CNTNAP2: variants seen among roughly 807,000 people sequenced by gnomAD.
The protein encoded by CNTNAP2 is contactin-associated protein-like 2.
A neutral mutation model predicts 155.2 loss-of-function variants in CNTNAP2; 98 were observed. The observed-to-expected ratio is 0.63, with a 90% CI of 0.54 to 0.75. The LOEUF is 0.75. CNTNAP2 is among the 30% of genes least tolerant of loss of function. The probability of loss-of-function intolerance (pLI) is 0.00; values close to 1 mark genes in which losing one functional copy is unlikely to be tolerated. For missense variants in CNTNAP2, 1,727 were observed against 1,688.1 expected, an observed-to-expected ratio of 1.02 and a Z score of -0.40; for synonymous variants, 651 against 631.2, an observed-to-expected ratio of 1.03 and a Z score of -0.47.
intron 1 of CNTNAP2, among the ~76,000 whole-genome samples, chr7:146,682,190 A>G (rs1800516698): frequency 6.6e-6 from 1 of 152,132 alleles, no homozygotes; most frequent in African/African-American, 2.4e-5. Context: ...AGAGTGACCT[A>G]GTTTCCTCAC....
At chr7:146,946,123 T>TTTCC (rs1287913925) in intron 3 of CNTNAP2, among the ~76,000 whole-genome samples, 96 of 151,086 alleles carry the variant, frequency 6.4e-4, no homozygotes, top group African/African-American at 2.1e-3. Context: ...TCCTTCCTTC[T>TTTCC]TTCCTTCCTT....
At chr7:146,491,167 G>A (rs1214682248) in intron 1 of CNTNAP2, among the ~76,000 whole-genome samples, 1 of 152,048 alleles carries the variant, frequency 6.6e-6, no homozygotes, top group Non-Finnish European at 1.5e-5. Context: ...TGAAAATAAA[G>A]TTTCCATGTA....
chr7:147,651,871 G>T (rs1795454993), intron 13 of CNTNAP2, among the ~76,000 whole-genome samples: 19 of 152,138 alleles, frequency 1.2e-4, no homozygotes, highest in Admixed American at 1.2e-3. Flanking sequence ...CCTCCATTGA[G>T]CCAAATACAA....
intron 3 of CNTNAP2, among the ~76,000 whole-genome samples, chr7:146,910,541 A>G (rs1403727862): frequency 6.6e-6 from 1 of 151,384 alleles, no homozygotes; most frequent in East Asian, 1.9e-4. Flanking sequence ...CCTGAGAAAA[A>G]CAAGCATTGG....
chr7:146,561,013 C>G (rs1798271420), intron 1 of CNTNAP2, among the ~76,000 whole-genome samples: 1 of 152,140 alleles, frequency 6.6e-6, no homozygotes, highest in Non-Finnish European at 1.5e-5. Flanking sequence ...GCTCACAACT[C>G]TAGTGTCAAT....
intron 18 of CNTNAP2, among the ~76,000 whole-genome samples, chr7:148,212,703 G>C (rs1269135978): frequency 1.3e-5 from 2 of 152,122 alleles, no homozygotes; most frequent in African/African-American, 4.8e-5. Flanking sequence ...AGAGATGAGA[G>C]AATTGCTTTC....
intron 3 of CNTNAP2, among the ~76,000 whole-genome samples, chr7:146,967,607 G>C (rs1178567199): frequency 6.6e-6 from 1 of 152,136 alleles, no homozygotes; most frequent in African/African-American, 2.4e-5. Context: ...TTGGCTCTCT[G>C]TTTGTCTGCT....
intron 1 of CNTNAP2, among the ~76,000 whole-genome samples, chr7:146,631,525 T>C (rs1309802756): frequency 6.6e-6 from 1 of 152,156 alleles, no homozygotes; most frequent in African/African-American, 2.4e-5. Flanking sequence ...CTTCTGAGTA[T>C]TTGATGAATA....
intron 1 of CNTNAP2, among the ~76,000 whole-genome samples, chr7:146,256,853 C>G (rs1799846983): frequency 6.6e-6 from 1 of 152,098 alleles, no homozygotes; most frequent in African/African-American, 2.4e-5. Flanking sequence ...AAACAGTAAG[C>G]TAAAACTTGG....
In CNTNAP2 at chr7:148,324,580, T is replaced by G. The variant is rs527312444; in HGVS notation, c.3475+57454T>G. 1.2e-4 allele frequency among the ~76,000 whole-genome samples: 18 copies of G among 152,088 alleles called. 1 individual carries two copies. The South Asian group carries it at 3.5e-3, about 30-fold the overall frequency. On this transcript the variant is annotated intron_variant, in intron 21 of 23. Transcript: ENST00000361727. ...TAGGAGGCCAAGGCGGTTGGGTCAT[T>G]TGAGGTCAGGAGTTCGAGACCAGCC...
At chr7:148,122,867 A>AAAAAAAAAAAAAAAAAAAAAAAG (rs543029148) in intron 16 of CNTNAP2, among the ~76,000 whole-genome samples, 1 of 150,724 alleles carries the variant, frequency 6.6e-6, no homozygotes, top group African/African-American at 2.5e-5. Flanking sequence ...AAAAAAAAAG[A>AAAAAAAAAAAAAAAAAAAAAAAG]AAAAAAAAGA....
chr7:147,880,306 G>A (rs1799496867), intron 13 of CNTNAP2, among the ~76,000 whole-genome samples: 1 of 152,180 alleles, frequency 6.6e-6, no homozygotes, highest in Admixed American at 6.5e-5. Flanking sequence ...ATAGCAGGAT[G>A]GATGGATTTG....
intron 13 of CNTNAP2, among the ~76,000 whole-genome samples, chr7:147,885,324 C>G (rs529501808): frequency 6.6e-6 from 1 of 152,284 alleles, no homozygotes; most frequent in African/African-American, 2.4e-5. Context: ...AAACCAAACT[C>G]AGCTTGAGAT....
At chr7:147,012,986 T>G (rs1474273704) in intron 3 of CNTNAP2, among the ~76,000 whole-genome samples, 1 of 152,046 alleles carries the variant, frequency 6.6e-6, no homozygotes, top group East Asian at 1.9e-4. Flanking sequence ...AAAATCAAAT[T>G]AATGGATCAA....
intron 3 of CNTNAP2, among the ~76,000 whole-genome samples, chr7:146,908,372 C>G (rs1239858674): frequency 1.4e-4 from 21 of 148,916 alleles, no homozygotes; most frequent in African/African-American, 5.2e-4. Flanking sequence ...CACACCACAC[C>G]TATTCCAAAA....
chr7:148,067,570 G>T (rs940668625), intron 15 of CNTNAP2, among the ~76,000 whole-genome samples: 8 of 152,194 alleles, frequency 5.3e-5, no homozygotes, highest in Non-Finnish European at 8.8e-5. Flanking sequence ...GGGTTTTCTT[G>T]AATGTTGGTT....
chr7:147,057,330 T>C (rs1406051100), intron 4 of CNTNAP2, among the ~76,000 whole-genome samples: 1 of 152,298 alleles, frequency 6.6e-6, no homozygotes, highest in East Asian at 1.9e-4. Context: ...CTATATCACC[T>C]CATTTCTTCT....
At chr7:147,656,550 G>T (rs1795527717) in intron 13 of CNTNAP2, among the ~76,000 whole-genome samples, 1 of 152,174 alleles carries the variant, frequency 6.6e-6, no homozygotes, top group African/African-American at 2.4e-5. Flanking sequence ...GGATCAGCTG[G>T]TCAGTAGAGC....
At chr7:146,879,931 C>T (rs1048866267) in intron 3 of CNTNAP2, among the ~76,000 whole-genome samples, 4 of 151,986 alleles carry the variant, frequency 2.6e-5, no homozygotes, top group Non-Finnish European at 4.4e-5. Flanking sequence ...GCACATCTTA[C>T]ATGGTGGCAG....
Sources: allele counts gnomAD v4.1 joint callset (sites outside exome capture counted in the v4.1 genomes callset), GRCh38; gene constraint gnomAD v4.1.1; transcripts MANE v1.5; gene names NCBI Gene and HGNC (gene_info 2026-07-23, HGNC 2026-07-21).